The following ITSN1 variants were observed in gnomAD, a reference collection of about 807,000 sequenced individuals.
ITSN1 encodes the protein intersectin 1, also known as intersectin-1.
In ITSN1, 58 loss-of-function variants were observed where a neutral mutation model predicts 239.8. The ratio of observed to expected loss-of-function variants is 0.24; its 90% CI spans 0.20 to 0.30. The LOEUF is 0.30. ITSN1 is among the 10% of genes least tolerant of loss of function. ITSN1 has a pLI of 1.00. For synonymous variants in ITSN1, 780 were observed against 770.8 expected (o/e 1.01, Z -0.20); for missense variants, 1,558 against 2,103.3 (o/e 0.74, Z 5.07).
Position 33,836,521 on chromosome 21 carries a change from G to C in ITSN1, c.3550G>C (p.Val1184Leu), listed in dbSNP as rs764971322. Reference sequence around the variant, plus strand: ...CTTCAACAAGGGCCAGATCATCAACGTCCTCAACAAGGAGGACCCTGACTG... The same window carrying C: ...CTTCAACAAGGGCCAGATCATCAACCTCCTCAACAAGGAGGACCCTGACTG... Reference protein sequence around the residue: ...LAFNKGQIINVLNKEDPDWWK... With the variant: ...LAFNKGQIINLLNKEDPDWWK... The change falls in exon 29 of 40, where the codon GTC becomes CTC. Residue 1184 changes from valine (V) to leucine (L), a missense_variant. By Grantham distance (32) the Val-to-Leu change is conservative. Around this residue, in one of 2 missense-constraint regions of ITSN1, gnomAD observed 576 missense variants for 893.3 expected, o/e 0.64. Coordinates refer to ENST00000381318, the MANE Select transcript of ITSN1 (RefSeq NM_003024.3). 6.2e-7 allele frequency: 1 copy of C among 1,614,084 alleles called. No homozygotes were observed. The highest frequency in any genetic ancestry group is 8.5e-7 in the Non-Finnish European group (1 of 1,179,984).
chr21:33,840,686 T>TG (rs760087814), intron 29 of ITSN1, among the ~76,000 whole-genome samples: 1 of 151,458 alleles, frequency 6.6e-6, no homozygotes, highest in African/African-American at 2.4e-5. Flanking sequence ...TTAGTAGAGA[T>TG]GGGGTTTCAC....
chr21:33,723,943 G>A (rs75838647), intron 4 of ITSN1, among the ~76,000 whole-genome samples: 6,743 of 152,212 alleles, frequency 0.044, 509 homozygotes, highest in African/African-American at 0.16. Context: ...TTATAATCTT[G>A]TGGAAATTAA....
chr21:33,848,328 A>G (rs546840827), intron 29 of ITSN1, among the ~76,000 whole-genome samples: 9 of 152,392 alleles, frequency 5.9e-5, no homozygotes, highest in African/African-American at 1.9e-4. Flanking sequence ...GTGCATGCAC[A>G]GAGGAAAGAC....
At chr21:33,870,905 T>TTG (rs1319812929) in intron 33 of ITSN1, among the ~76,000 whole-genome samples, 1 of 152,186 alleles carries the variant, frequency 6.6e-6, no homozygotes, top group Non-Finnish European at 1.5e-5. Flanking sequence ...TGGCACAGAA[T>TTG]TGTGCACCTG....
rs761072423 is a variant in ITSN1 at position 33,810,939 on chromosome 21, ATTTAGTTCTAC to A, written c.2320-33_2320-23del. ...GGGTGCTGGGTCTATTCAGGGGTTAATTTAGTTCTACTTAAAGCTGTGACTTTTTCCACAGG... is the reference window on the plus strand; with the variant it reads ...GGGTGCTGGGTCTATTCAGGGGTTAATTAAAGCTGTGACTTTTTCCACAGG... On this transcript the variant is annotated intron_variant, in intron 20 of 39. Transcript: ENST00000381318. The A allele has an allele frequency of 3.7e-6, 6 of 1,614,060 alleles. No individual in the cohort carries two copies. In the African/African-American group the frequency reaches 8.0e-5, roughly 22 times the overall value.
chr21:33,714,077 G>A (rs369144321), intron 1 of ITSN1, among the ~76,000 whole-genome samples: 23 of 152,078 alleles, frequency 1.5e-4, no homozygotes, highest in East Asian at 9.7e-4. Context: ...TGATCCACCC[G>A]CCTTGGCCTC....
chr21:33,860,319 A>G (rs1980251090), intron 31 of ITSN1, among the ~76,000 whole-genome samples: 1 of 151,850 alleles, frequency 6.6e-6, no homozygotes, highest in African/African-American at 2.4e-5. Flanking sequence ...AAAAAAGAAA[A>G]AAAAAAAAAA....
intron 39 of ITSN1, 141 bp from the exon 40 acceptor site, chr21:33,888,011 A>T: frequency 1.3e-6 from 1 of 757,258 alleles, no homozygotes; most frequent in Admixed American, 2.7e-5. Flanking sequence ...GCGAGTTGGA[A>T]ATCCTAGTGT....
intron 5 of ITSN1, among the ~76,000 whole-genome samples, chr21:33,749,430 G>A (rs1246494984): frequency 6.6e-6 from 1 of 152,078 alleles, no homozygotes; most frequent in Non-Finnish European, 1.5e-5. Context: ...ATCACCTGAG[G>A]TCAGGAGTTT....
chr21:33,717,113 T>C (rs1051301056), intron 1 of ITSN1, among the ~76,000 whole-genome samples: 2 of 152,016 alleles, frequency 1.3e-5, no homozygotes, highest in South Asian at 4.2e-4. Flanking sequence ...GAAATTGAGA[T>C]GTATTAGGGC....
At chr21:33,655,186 C>T (rs922662420) in intron 1 of ITSN1, among the ~76,000 whole-genome samples, 3 of 152,086 alleles carry the variant, frequency 2.0e-5, no homozygotes, top group Non-Finnish European at 2.9e-5. Flanking sequence ...GACTCTGGCT[C>T]GGACCTGTTT....
chr21:33,860,332 AG>A (rs1412583686), intron 31 of ITSN1, among the ~76,000 whole-genome samples: 3 of 151,320 alleles, frequency 2.0e-5, no homozygotes, highest in East Asian at 1.9e-4. Context: ...AAAAAAAAAA[AG>A]AAAAGAAAAT....
intron 26 of ITSN1, among the ~76,000 whole-genome samples, chr21:33,827,587 T>G (rs939108611): frequency 6.6e-6 from 1 of 152,100 alleles, no homozygotes; most frequent in African/African-American, 2.4e-5. Context: ...TGGAGAAGAT[T>G]AGAGTGTAGG....
intron 1 of ITSN1, among the ~76,000 whole-genome samples, chr21:33,676,260 C>A (rs972363495): frequency 1.3e-5 from 2 of 152,094 alleles, no homozygotes; most frequent in East Asian, 1.9e-4. Context: ...TAGGATTACA[C>A]GCATGAGCCA....
At chr21:33,818,820 A>G (rs775779920) in intron 23 of ITSN1, among the ~76,000 whole-genome samples, 14 of 152,216 alleles carry the variant, frequency 9.2e-5, no homozygotes, top group Non-Finnish European at 1.8e-4. Flanking sequence ...TGGAAACCCA[A>G]AGGATCTGGG....
chr21:33,678,698 T>TTTGTTG (rs765926561), intron 1 of ITSN1, among the ~76,000 whole-genome samples: 9 of 152,012 alleles, frequency 5.9e-5, no homozygotes, highest in Admixed American at 5.2e-4. Context: ...AAGCAAAGTT[T>TTTGTTG]TTGTTGTTGT....
At chr21:33,814,370 G>T (rs2073124522) in intron 22 of ITSN1, 1 of 315,006 alleles carries the variant, frequency 3.2e-6, no homozygotes, top group Non-Finnish European at 6.0e-6. Context: ...AAAATGGAGA[G>T]AGCCTGCCTG....
chr21:33,729,211 G>C (rs1005784049), intron 4 of ITSN1, among the ~76,000 whole-genome samples: 1 of 152,144 alleles, frequency 6.6e-6, no homozygotes, highest in African/African-American at 2.4e-5. Context: ...AGCACTTTGG[G>C]AGGTCGAGGC....
intron 1 of ITSN1, among the ~76,000 whole-genome samples, chr21:33,665,124 G>A (rs1165034161): frequency 3.3e-5 from 5 of 152,106 alleles, no homozygotes; most frequent in African/African-American, 1.2e-4. Context: ...TTAGCTGGGC[G>A]TGGTGGCGGG....
Sources: allele counts gnomAD v4.1 joint callset (sites outside exome capture counted in the v4.1 genomes callset), GRCh38; gene constraint gnomAD v4.1.1; regional missense constraint gnomAD v4.1.1; transcripts MANE v1.5; gene names NCBI Gene and HGNC (gene_info 2026-07-23, HGNC 2026-07-21).